Variants in AHCYL2 observed in about 807,000 individuals in gnomAD.
The protein encoded by AHCYL2 is adenosylhomocysteinase like 2.
A neutral mutation model predicts 81.4 loss-of-function variants in AHCYL2; 28 were observed. The observed-to-expected ratio is 0.34, with a 90% CI of 0.25 to 0.47. The LOEUF (loss-of-function observed/expected upper bound fraction) is 0.47, where lower values mean the gene tolerates loss of function less well. AHCYL2 is among the 20% of genes least tolerant of loss of function. The probability of loss-of-function intolerance (pLI) is 1.00; values close to 1 mark genes in which losing one functional copy is unlikely to be tolerated. For synonymous variants in AHCYL2, 272 were observed against 290.2 expected (o/e 0.94, Z 0.64); for missense variants, 551 against 785.1 (o/e 0.70, Z 3.56).
At chr7:129,331,667 C>G (rs1798427041) in intron 1 of AHCYL2, among the ~76,000 whole-genome samples, 1 of 149,380 alleles carries the variant, frequency 6.7e-6, no homozygotes. Flanking sequence ...AATAATGAAA[C>G]CCCGTCTCTA....
intron 1 of AHCYL2, among the ~76,000 whole-genome samples, chr7:129,276,736 C>A (rs368576190): frequency 2.0e-3 from 255 of 124,960 alleles, no homozygotes; most frequent in South Asian, 3.1e-3. Context: ...GCAACTGTCT[C>A]AAAAAAAAAA....
At chr7:129,411,981 T>G (rs1037682209) in intron 11 of AHCYL2, among the ~76,000 whole-genome samples, 1 of 152,208 alleles carries the variant, frequency 6.6e-6, no homozygotes, top group Non-Finnish European at 1.5e-5. Flanking sequence ...CAAGTTTTTA[T>G]GTGGACATAT....
chr7:129,407,588 C>T (rs1796365258), intron 10 of AHCYL2, among the ~76,000 whole-genome samples: 2 of 152,120 alleles, frequency 1.3e-5, no homozygotes, highest in Non-Finnish European at 2.9e-5. Context: ...GGAACCTGAA[C>T]ATATTTTAAT....
chr7:129,234,275 T>C lies in AHCYL2; in HGVS notation c.363+8836T>C, dbSNP rs370158733. On this transcript the variant is annotated intron_variant, in intron 1 of 16. Transcript: ENST00000325006. ...TCTTTTTTCCCCCTAGATGGAGCCT[T>C]ACTCTGTCACCCAGGCTGGACTGCA... Among the ~76,000 whole-genome samples the C allele has an allele frequency of 3.3e-5, 5 of 152,080 alleles. No homozygotes were observed. The East Asian group carries it at 9.7e-4, about 29-fold the overall frequency.
At chr7:129,333,489 C>T (rs1798492401) in intron 1 of AHCYL2, among the ~76,000 whole-genome samples, 2 of 151,940 alleles carry the variant, frequency 1.3e-5, no homozygotes, top group South Asian at 4.1e-4. Flanking sequence ...TAGGTAAGTA[C>T]TTGGAATCAT....
chr7:129,383,342 A>AT (rs1795052541), intron 2 of AHCYL2, among the ~76,000 whole-genome samples: 1 of 151,594 alleles, frequency 6.6e-6, no homozygotes, highest in Non-Finnish European at 1.5e-5. Flanking sequence ...ATTTTTTAAA[A>AT]TTTTTTTGTA....
At chr7:129,231,580 G>A (rs182338360) in intron 1 of AHCYL2, among the ~76,000 whole-genome samples, 6 of 152,264 alleles carry the variant, frequency 3.9e-5, no homozygotes, top group Non-Finnish European at 7.4e-5. Flanking sequence ...AACAATCTTG[G>A]CAGTTGCCCT....
intron 1 of AHCYL2, among the ~76,000 whole-genome samples, chr7:129,299,280 C>CA (rs34402215): frequency 0.51 from 60,633 of 118,998 alleles, 15,942 homozygotes; most frequent in East Asian, 0.68. Flanking sequence ...CCTCCTCTAC[C>CA]AAAAAAAAAA....
At position 129,423,055 on chromosome 7, in the gene AHCYL2, T is replaced by A. The variant is rs1797190150; in HGVS notation, c.1560+117T>A. The A allele has an allele frequency of 6.8e-6, 5 of 730,378 alleles. No homozygotes were observed. The East Asian group carries it at 1.4e-4, about 21-fold the overall frequency. 45.2% of individuals were successfully genotyped at this position (730,378 alleles called of 1,614,324 possible). ...CTCCTCTGTTAAGCACAAGTTTGAC[T>A]ACTTTCCCAATGGATTTTACTTCTA... On this transcript the variant is annotated intron_variant, in intron 13 of 16. Transcript: ENST00000325006.
intron 5 of AHCYL2, 150 bp from the exon 6 acceptor site, chr7:129,400,140 G>A: frequency 1.6e-6 from 1 of 636,354 alleles, no homozygotes; most frequent in Middle Eastern, 3.7e-4. Flanking sequence ...AGGGGCTGAA[G>A]GCAACGCCAA....
chr7:129,262,079 A>G lies in AHCYL2; in HGVS notation c.363+36640A>G, dbSNP rs377124771. Among the ~76,000 whole-genome samples the G allele has an allele frequency of 7.2e-5, 11 of 152,200 alleles. No homozygotes were observed. In the East Asian group the frequency reaches 1.3e-3, roughly 19 times the overall value. On this transcript the variant is annotated intron_variant, in intron 1 of 16. Coordinates refer to ENST00000325006, the MANE Select transcript of AHCYL2 (RefSeq NM_015328.4). Reference sequence around the variant, plus strand: ...TTGCACTTTTCATAAGCTTATATTGATATTCTATTATGTGCCAGGCACTGC... The same window carrying G: ...TTGCACTTTTCATAAGCTTATATTGGTATTCTATTATGTGCCAGGCACTGC...
chr7:129,361,864 C>G (rs1793941892), intron 1 of AHCYL2, among the ~76,000 whole-genome samples: 1 of 151,826 alleles, frequency 6.6e-6, no homozygotes, highest in Non-Finnish European at 1.5e-5. Flanking sequence ...TTAAATAGCA[C>G]TAATAAGTTC....
intron 1 of AHCYL2, among the ~76,000 whole-genome samples, chr7:129,292,975 T>C (rs1013592814): frequency 5.9e-5 from 9 of 152,070 alleles, no homozygotes; most frequent in Non-Finnish European, 1.5e-5. Context: ...TTACCCACTT[T>C]TAAAATTATT....
At chr7:129,262,199 T>A (rs1033249375) in intron 1 of AHCYL2, among the ~76,000 whole-genome samples, 23 of 152,308 alleles carry the variant, frequency 1.5e-4, no homozygotes, top group African/African-American at 4.6e-4. Flanking sequence ...ATATAAATAT[T>A]TACTGTATAG....
At chr7:129,297,692 T>C (rs1797101658) in intron 1 of AHCYL2, among the ~76,000 whole-genome samples, 1 of 152,080 alleles carries the variant, frequency 6.6e-6, no homozygotes, top group African/African-American at 2.4e-5. Flanking sequence ...AGTGAAAGTA[T>C]ATGGTGTTTG....
intron 1 of AHCYL2, among the ~76,000 whole-genome samples, chr7:129,302,723 A>T (rs1797296643): frequency 6.6e-6 from 1 of 152,128 alleles, no homozygotes. Context: ...CTTGATCATG[A>T]TGAATGATCT....
At position 129,389,751 on chromosome 7, in the gene AHCYL2, T is replaced by C; in HGVS notation, c.720+17T>C. On this transcript the variant is annotated intron_variant, in intron 4 of 16. Transcript: ENST00000325006. Reference sequence around the variant, plus strand: ...CAGACTGCTGTGAGTTCTTTTCTTTTCTCCTTTTAATTACAATAGTTAATA... The same window carrying C: ...CAGACTGCTGTGAGTTCTTTTCTTTCCTCCTTTTAATTACAATAGTTAATA... 1 of 1,591,972 alleles carries C rather than the reference T, an allele frequency of 6.3e-7. No homozygotes were observed. Among genetic ancestry groups the C allele is most frequent in the Non-Finnish European group, 8.5e-7 (1 of 1,171,988 alleles).
chr7:129,410,948 A>C (rs1222811936), intron 11 of AHCYL2, among the ~76,000 whole-genome samples: 1 of 152,086 alleles, frequency 6.6e-6, no homozygotes, highest in Non-Finnish European at 1.5e-5. Context: ...TTGTTGTTTT[A>C]AATAGAGATG....
intron 1 of AHCYL2, among the ~76,000 whole-genome samples, chr7:129,311,371 T>G (rs760903868): frequency 6.6e-6 from 1 of 152,216 alleles, no homozygotes. Flanking sequence ...TTTTCTGTCA[T>G]GGTGATCGTA....
Sources: gnomAD v4.1 joint callset for allele counts (sites outside exome capture counted in the v4.1 genomes callset) on GRCh38, gnomAD v4.1.1 for gene constraint, MANE v1.5 for transcripts, NCBI Gene and HGNC (gene_info 2026-07-23, HGNC 2026-07-21) for gene names.